GMDS: variants seen among roughly 807,000 people sequenced by gnomAD.
GMDS encodes the protein GDP-mannose 4,6 dehydratase.
In GMDS, 20 loss-of-function variants were observed where a neutral mutation model predicts 49.9. The observed-to-expected ratio is 0.40, with a 90% CI of 0.28 to 0.58. GMDS has a LOEUF of 0.58. GMDS is among the 20% of genes least tolerant of loss of function. The pLI is 0.42. For synonymous variants in GMDS, 177 were observed against 178.6 expected (o/e 0.99, Z 0.07); for missense variants, 362 against 481.4 (o/e 0.75, Z 2.32).
intron 4 of GMDS, among the ~76,000 whole-genome samples, chr6:2,056,756 A>G (rs1770802515): frequency 6.6e-6 from 1 of 152,050 alleles, no homozygotes; most frequent in Admixed American, 6.5e-5. Context: ...TAACCAACCA[A>G]TCTTGTTTTA....
At chr6:1,948,086 G>A (rs1432728528) in intron 6 of GMDS, among the ~76,000 whole-genome samples, 4 of 152,126 alleles carry the variant, frequency 2.6e-5, no homozygotes. Context: ...ACAACCTTAA[G>A]TGAACACTAT....
chr6:1,937,111 T>C (rs1161208190), intron 6 of GMDS, among the ~76,000 whole-genome samples: 1 of 152,220 alleles, frequency 6.6e-6, no homozygotes, highest in Non-Finnish European at 1.5e-5. Context: ...TTCAGTAATC[T>C]GCTGTCCCAG....
chr6:1,779,635 GC>G (rs1182283639), intron 7 of GMDS, among the ~76,000 whole-genome samples: 6 of 152,158 alleles, frequency 3.9e-5, no homozygotes, highest in Admixed American at 3.9e-4. Flanking sequence ...CCCCAAAAGC[GC>G]TCTTGTGTTT....
intron 9 of GMDS, among the ~76,000 whole-genome samples, chr6:1,712,486 G>A (rs545758115): frequency 6.6e-6 from 1 of 152,288 alleles, no homozygotes; most frequent in South Asian, 2.1e-4. Flanking sequence ...TGATATCGAT[G>A]GTTTACATAA....
At chr6:1,644,842 A>G (rs1174476383) in intron 9 of GMDS, among the ~76,000 whole-genome samples, 2 of 151,688 alleles carry the variant, frequency 1.3e-5, no homozygotes, top group Non-Finnish European at 1.5e-5. Context: ...CATTCTGCAG[A>G]TGAGGAAGCT....
intron 6 of GMDS, among the ~76,000 whole-genome samples, chr6:1,951,223 A>C (rs1224061251): frequency 6.6e-6 from 1 of 152,258 alleles, no homozygotes; most frequent in African/African-American, 2.4e-5. Flanking sequence ...ATTATTTTAA[A>C]AATTCTGAAG....
chr6:1,741,111 T>A (rs1767253878), intron 8 of GMDS, among the ~76,000 whole-genome samples: 2 of 152,330 alleles, frequency 1.3e-5, no homozygotes, highest in South Asian at 2.1e-4. Flanking sequence ...TTGACACATG[T>A]ATATGTTGTA....
At chr6:1,695,687 T>C (rs1320281931) in intron 9 of GMDS, among the ~76,000 whole-genome samples, 1 of 152,168 alleles carries the variant, frequency 6.6e-6, no homozygotes, top group African/African-American at 2.4e-5. Flanking sequence ...GATGTGTGCT[T>C]TTCCCTGCAA....
chr6:1,802,084 A>G (rs1194749318), intron 7 of GMDS, among the ~76,000 whole-genome samples: 1 of 152,260 alleles, frequency 6.6e-6, no homozygotes, highest in Non-Finnish European at 1.5e-5. Flanking sequence ...GCCTAAATAG[A>G]AAAACGGAGA....
intron 7 of GMDS, among the ~76,000 whole-genome samples, chr6:1,840,072 C>T (rs534099332): frequency 3.9e-5 from 6 of 152,264 alleles, no homozygotes; most frequent in African/African-American, 1.4e-4. Flanking sequence ...ATTTTTTCTG[C>T]TATGGTGTAA....
chr6:1,685,326 C>T (rs1764938593), intron 9 of GMDS, among the ~76,000 whole-genome samples: 2 of 152,248 alleles, frequency 1.3e-5, no homozygotes, highest in Admixed American at 6.5e-5. Context: ...GATCACGCCA[C>T]TGCACTCCAG....
At chr6:1,983,389 T>C (rs1343081741) in intron 4 of GMDS, among the ~76,000 whole-genome samples, 2 of 152,126 alleles carry the variant, frequency 1.3e-5, no homozygotes, top group Non-Finnish European at 2.9e-5. Flanking sequence ...TGTATCTAAT[T>C]AAACAGAAGA....
intron 7 of GMDS, among the ~76,000 whole-genome samples, chr6:1,782,079 A>C (rs1303923352): frequency 6.6e-6 from 1 of 152,232 alleles, no homozygotes; most frequent in Admixed American, 6.5e-5. Context: ...GATGAGTAAA[A>C]TTAATTCAAT....
chr6:1,886,527 T>C (rs1163382669), intron 7 of GMDS, among the ~76,000 whole-genome samples: 6 of 152,220 alleles, frequency 3.9e-5, no homozygotes, highest in Admixed American at 6.5e-5. Context: ...GAATTACTAA[T>C]AGCATTCTCA....
intron 6 of GMDS, among the ~76,000 whole-genome samples, chr6:1,959,362 TA>T (rs1581422780): frequency 6.6e-6 from 1 of 152,204 alleles, no homozygotes; most frequent in East Asian, 1.9e-4. Context: ...AAAATCTTGT[TA>T]AAAAACTGAT....
chr6:2,146,548 G>T (rs188763356), intron 1 of GMDS, among the ~76,000 whole-genome samples: 1 of 152,274 alleles, frequency 6.6e-6, no homozygotes, highest in African/African-American at 2.4e-5. Context: ...AATGACTCTT[G>T]TAGCCCTAAA....
chr6:2,124,353 A>G (rs1445000650), intron 2 of GMDS, among the ~76,000 whole-genome samples: 2 of 152,218 alleles, frequency 1.3e-5, no homozygotes, highest in African/African-American at 4.8e-5. Flanking sequence ...CATGGTGAGT[A>G]GGACTTTCTT....
intron 7 of GMDS, among the ~76,000 whole-genome samples, chr6:1,872,560 A>C (rs1758825164): frequency 6.6e-6 from 1 of 152,250 alleles, no homozygotes; most frequent in African/African-American, 2.4e-5. Context: ...GACAACGTCC[A>C]AAAGGGGTAC....
intron 7 of GMDS, among the ~76,000 whole-genome samples, chr6:1,819,288 G>A (rs912472236): frequency 6.6e-6 from 1 of 152,114 alleles, no homozygotes; most frequent in Non-Finnish European, 1.5e-5. Context: ...GTTAATGCAG[G>A]TAAGGCCCAA....
Sources: allele counts gnomAD v4.1 joint callset (sites outside exome capture counted in the v4.1 genomes callset), GRCh38; gene constraint gnomAD v4.1.1; transcripts MANE v1.5; gene names NCBI Gene and HGNC (gene_info 2026-07-23, HGNC 2026-07-21).